The following PTPRT variants were observed in gnomAD, a reference collection of about 807,000 sequenced individuals.
PTPRT encodes receptor-type tyrosine-protein phosphatase T.
Under a neutral mutation model 176.8 loss-of-function variants are expected in PTPRT, and 56 were observed. The ratio of observed to expected loss-of-function variants is 0.32; its 90% CI spans 0.26 to 0.40. The LOEUF (loss-of-function observed/expected upper bound fraction) is 0.40, where lower values mean the gene tolerates loss of function less well. Ranked by LOEUF, PTPRT falls within the 10% of genes least tolerant of loss-of-function variation. The pLI, the probability that PTPRT is intolerant of heterozygous loss-of-function variation, is 1.00. For synonymous variants in PTPRT, 783 were observed against 739.0 expected, an observed-to-expected ratio of 1.06 and a Z score of -0.96; for missense variants, 1,540 against 1,908.2, an observed-to-expected ratio of 0.81 and a Z score of 3.60.
At chr20:43,095,812 CT>C (rs779919686) in intron 1 of PTPRT, among the ~76,000 whole-genome samples, 24 of 836 alleles carry the variant, frequency 0.029, no homozygotes, top group Non-Finnish European at 0.048. Context: ...TCTCCTCCCC[CT>C]CTTTCTCTCC....
intron 15 of PTPRT, among the ~76,000 whole-genome samples, chr20:42,206,134 T>G (rs1237132595): frequency 3.9e-5 from 6 of 152,084 alleles, no homozygotes; most frequent in Admixed American, 3.9e-4. Flanking sequence ...GAAGGGCAAA[T>G]TCAGTCTGTG....
chr20:43,135,258 A>G (rs1359448057), intron 1 of PTPRT, among the ~76,000 whole-genome samples: 1 of 152,204 alleles, frequency 6.6e-6, no homozygotes, highest in Non-Finnish European at 1.5e-5. Flanking sequence ...TCGTTAGTCT[A>G]TTCTCTGTGT....
chr20:42,201,677 C>G (rs79179831), intron 15 of PTPRT, among the ~76,000 whole-genome samples: 2,150 of 138,206 alleles, frequency 0.016, 23 homozygotes, highest in Middle Eastern at 0.052. Flanking sequence ...CAGCGGCTTT[C>G]TCTTGAAAGG....
chr20:42,279,098 A>T (rs1037467205), intron 13 of PTPRT, among the ~76,000 whole-genome samples: 1 of 152,062 alleles, frequency 6.6e-6, no homozygotes, highest in Non-Finnish European at 1.5e-5. Flanking sequence ...AATAGTTTTA[A>T]ATCCAAACCA....
intron 1 of PTPRT, among the ~76,000 whole-genome samples, chr20:43,174,014 G>A (rs1297950824): frequency 6.6e-6 from 1 of 152,214 alleles, no homozygotes; most frequent in Non-Finnish European, 1.5e-5. Flanking sequence ...TCTGCCTCAT[G>A]GGATCATTAT....
At chr20:42,773,887 C>T (rs904246602) in intron 4 of PTPRT, among the ~76,000 whole-genome samples, 4 of 152,286 alleles carry the variant, frequency 2.6e-5, no homozygotes, top group African/African-American at 7.2e-5. Flanking sequence ...CCTTACCCTT[C>T]GAGAAAATGG....
rs555031205 is a variant in PTPRT, at chr20:42,631,296, T to C, written c.1153+46570A>G. Among the ~76,000 whole-genome samples the C allele has an allele frequency of 1.8e-4, 28 of 152,160 alleles. 1 individual carries two copies. The highest frequency in any genetic ancestry group is 3.4e-4 in the Non-Finnish European group (23 of 68,026). On this transcript the variant is annotated intron_variant, in intron 7 of 30. Transcript: ENST00000373187. ...AAAAGCATTTTTTTCTAAACTCAAT[T>C]TCCATATTAATTTTAGAGCTATATG...
At chr20:43,179,532 T>C (rs529842088) in intron 1 of PTPRT, among the ~76,000 whole-genome samples, 133 of 152,332 alleles carry the variant, frequency 8.7e-4, no homozygotes, top group African/African-American at 3.1e-3. Flanking sequence ...AAAATTGTAG[T>C]CTTACAAAAA....
chr20:42,634,660 C>T lies in PTPRT; in HGVS notation c.1153+43206G>A, dbSNP rs574816952. ...CAGATTCCTTGCACCTTAAAAAAGA[C>T]GAAAAATATGTCTTTTTTCTTCCCC... is the stretch of plus-strand genomic sequence containing the variant. On this transcript the variant is annotated intron_variant, in intron 7 of 30. Transcript: ENST00000373187. Among the ~76,000 whole-genome samples the T allele has an allele frequency of 5.7e-4, 87 of 151,998 alleles. 1 individual carries two copies. Among genetic ancestry groups the T allele is most frequent in the Admixed American group, 1.2e-3 (19 of 15,266 alleles).
At chr20:43,059,107 G>A (rs1204714884) in intron 1 of PTPRT, among the ~76,000 whole-genome samples, 1 of 152,204 alleles carries the variant, frequency 6.6e-6, no homozygotes, top group East Asian at 1.9e-4. Context: ...CAGGTCTGAC[G>A]ATCTCAGAAT....
intron 13 of PTPRT, chr20:42,270,296 G>T: frequency 2.8e-6 from 3 of 1,073,562 alleles, no homozygotes; most frequent in Admixed American, 2.0e-5. Context: ...GGGTGGGTGG[G>T]GTGGAAAGAC....
chr20:42,652,140 T>C (rs1462669471), intron 7 of PTPRT, among the ~76,000 whole-genome samples: 1 of 151,430 alleles, frequency 6.6e-6, no homozygotes, highest in Non-Finnish European at 1.5e-5. Flanking sequence ...AAGTAGAGAA[T>C]GTAGGTAAAA....
intron 9 of PTPRT, among the ~76,000 whole-genome samples, chr20:42,378,362 G>A (rs144521375): frequency 1.3e-3 from 194 of 152,234 alleles, no homozygotes; most frequent in Middle Eastern, 3.4e-3. Context: ...CTTTCATCTC[G>A]AAAAGTCAGG....
chr20:42,249,046 G>T (rs1299161210), intron 13 of PTPRT, among the ~76,000 whole-genome samples: 1 of 152,212 alleles, frequency 6.6e-6, no homozygotes, highest in Admixed American at 6.5e-5. Flanking sequence ...CTGACATGCA[G>T]AGAAATTAAG....
chr20:42,283,376 A>G (rs1045852142), intron 12 of PTPRT, among the ~76,000 whole-genome samples: 16 of 152,166 alleles, frequency 1.1e-4, no homozygotes, highest in African/African-American at 3.9e-4. Flanking sequence ...TGCTGAACCA[A>G]AAATCTGTCA....
chr20:42,836,188 C>T (rs2078177771), intron 2 of PTPRT, among the ~76,000 whole-genome samples: 1 of 152,126 alleles, frequency 6.6e-6, no homozygotes, highest in Admixed American at 6.5e-5. Context: ...CTGCCCAGGC[C>T]TAGGTGCCAG....
At chr20:43,036,689 A>G (rs916959344) in intron 1 of PTPRT, among the ~76,000 whole-genome samples, 3 of 152,232 alleles carry the variant, frequency 2.0e-5, no homozygotes, top group Admixed American at 1.3e-4. Context: ...AAACCTTAAA[A>G]CAATAGGCTA....
At chr20:42,318,168 G>A (rs2057748034) in intron 11 of PTPRT, among the ~76,000 whole-genome samples, 2 of 152,182 alleles carry the variant, frequency 1.3e-5, no homozygotes, top group African/African-American at 4.8e-5. Context: ...AATGCCTGTT[G>A]AAGTCAATAA....
intron 8 of PTPRT, among the ~76,000 whole-genome samples, chr20:42,454,567 A>T (rs1460229705): frequency 1.3e-5 from 2 of 152,234 alleles, no homozygotes; most frequent in African/African-American, 2.4e-5. Context: ...TTAAGGTTTT[A>T]CATGCTTTTA....
Sources: allele counts gnomAD v4.1 joint callset (sites outside exome capture counted in the v4.1 genomes callset), GRCh38; gene constraint gnomAD v4.1.1; transcripts MANE v1.5; gene names NCBI Gene and HGNC (gene_info 2026-07-23, HGNC 2026-07-21).